Variants in TPGS2 observed in about 807,000 individuals in gnomAD.
TPGS2 encodes polyglutamylase subunit 2.
In TPGS2, 26 loss-of-function variants were observed where a neutral mutation model predicts 31.1. The observed-to-expected ratio is 0.84, with a 90% CI of 0.61 to 1.16. The LOEUF is 1.16. TPGS2 is among the 50% of genes most tolerant of loss of function. The pLI is 0.00. For synonymous variants in TPGS2, 130 were observed against 136.6 expected, an observed-to-expected ratio of 0.95 and a Z score of 0.34; for missense variants, 351 against 363.8, an observed-to-expected ratio of 0.96 and a Z score of 0.29.
intron 2 of TPGS2, among the ~76,000 whole-genome samples, chr18:36,809,474 A>G (rs2045318491): frequency 6.6e-6 from 1 of 152,120 alleles, no homozygotes; most frequent in Admixed American, 6.5e-5. Flanking sequence ...TTCTGTGTCC[A>G]TTATTTAGTA....
At chr18:36,812,120 C>T (rs2045457356) in intron 2 of TPGS2, among the ~76,000 whole-genome samples, 1 of 152,188 alleles carries the variant, frequency 6.6e-6, no homozygotes, top group Admixed American at 6.5e-5. Flanking sequence ...GAAATGATAG[C>T]TCAGACTGTA....
intron 1 of TPGS2, among the ~76,000 whole-genome samples, chr18:36,819,355 A>G (rs530266665): frequency 3.1e-4 from 47 of 152,364 alleles, no homozygotes; most frequent in Admixed American, 2.7e-3. Context: ...ATTAACTTTT[A>G]TAAGACATAA....
At chr18:36,822,492 T>C (rs950994928) in intron 1 of TPGS2, among the ~76,000 whole-genome samples, 1 of 148,464 alleles carries the variant, frequency 6.7e-6, no homozygotes, top group African/African-American at 2.6e-5. Context: ...CATCTTTTTA[T>C]ATTTAACATT....
intron 1 of TPGS2, among the ~76,000 whole-genome samples, chr18:36,825,814 C>T (rs2046110774): frequency 6.6e-6 from 1 of 152,150 alleles, no homozygotes; most frequent in African/African-American, 2.4e-5. Context: ...AAATTAGCTT[C>T]CTGATTTCTA....
At chr18:36,803,527 A>G (rs1391980912) in intron 4 of TPGS2, among the ~76,000 whole-genome samples, 2 of 151,856 alleles carry the variant, frequency 1.3e-5, no homozygotes, top group African/African-American at 4.8e-5. Context: ...ATCTGCAGAG[A>G]GGTGTCTTTT....
At chr18:36,785,597 G>T (rs971575289) in intron 6 of TPGS2, among the ~76,000 whole-genome samples, 2 of 152,166 alleles carry the variant, frequency 1.3e-5, no homozygotes, top group Non-Finnish European at 2.9e-5. Context: ...TTGTCTTTAA[G>T]AATAATTTTT....
At chr18:36,782,425 A>G (rs933203492), downstream of TPGS2, among the ~76,000 whole-genome samples, 1 of 152,194 alleles carries the variant, frequency 6.6e-6, no homozygotes, top group South Asian at 2.1e-4. Flanking sequence ...ATGCTTTAAG[A>G]ACTACTGATA....
chr18:36,807,556 G>A, intron 3 of TPGS2: 1 of 402,446 alleles, frequency 2.5e-6, no homozygotes, highest in Non-Finnish European at 4.4e-6. Flanking sequence ...GTTTGAGGTG[G>A]CTAGGGTTTT....
intron 3 of TPGS2, 127 bp downstream of exon 3, chr18:36,807,720 C>T: frequency 1.3e-6 from 1 of 744,970 alleles, no homozygotes; most frequent in Non-Finnish European, 2.2e-6. Flanking sequence ...AGCTTCTGGA[C>T]ATGGCACTTG....
chr18:36,800,057 T>C lies in TPGS2; in HGVS notation c.496+141A>G, dbSNP rs1433171555. On this transcript the variant is annotated intron_variant, in intron 5 of 6. Transcript: ENST00000334295. ...TGATGCTCAGAGAGAACCAAAGGGG[T>C]TTTTGGGTTTGGGACACACAAGGAA... The C allele has an allele frequency of 1.8e-4, 123 of 665,616 alleles. No individual in the cohort carries two copies. The East Asian group carries it at 3.1e-3, about 17-fold the overall frequency. 41.2% of individuals were successfully genotyped at this position (665,616 alleles called of 1,614,324 possible).
rs2045074546 is a variant in TPGS2 at position 36,805,482 on chromosome 18, T to C, written c.274A>G (p.Ser92Gly). ...TTTGAGATGCTGTTAATTGCCATGC[T>C]TCCCAGTGGAATGATGTGCTCTAGG... ...KLDEHIIPLG[S>G]MAINSISKLT... Residue 92 changes from serine to glycine, a missense_variant, in exon 4 of 7, where the codon AGC becomes GGC. Coordinates refer to ENST00000334295, the MANE Select transcript of TPGS2 (RefSeq NM_015476.4). The C allele has an allele frequency of 6.2e-7, 1 of 1,614,098 alleles. No individual in the cohort carries two copies. Among genetic ancestry groups the C allele is most frequent in the South Asian group, 1.1e-5 (1 of 91,082 alleles).
At chr18:36,785,383 T>A (rs1355164412) in intron 6 of TPGS2, among the ~76,000 whole-genome samples, 1 of 152,216 alleles carries the variant, frequency 6.6e-6, no homozygotes. Flanking sequence ...TAACTGGTCA[T>A]CCATCCCACA....
chr18:36,818,694 G>C, intron 2 of TPGS2, 200 bp downstream of exon 2: 1 of 497,736 alleles, frequency 2.0e-6, no homozygotes, highest in East Asian at 3.0e-5. Flanking sequence ...GGGCTCAGGG[G>C]AAACACTCCA....
intron 6 of TPGS2, chr18:36,783,152 C>T (rs758427326): frequency 3.8e-5 from 15 of 398,060 alleles, no homozygotes; most frequent in African/African-American, 1.9e-4. Flanking sequence ...AATCAATTTG[C>T]GTTGTTAAAC....
At chr18:36,783,167 T>C in intron 6 of TPGS2, 1 of 398,124 alleles carries the variant, frequency 2.5e-6, no homozygotes, top group East Asian at 3.6e-5. Context: ...TTAAACTTAG[T>C]GGTTCATTAG....
At chr18:36,812,131 G>A (rs544583164) in intron 2 of TPGS2, among the ~76,000 whole-genome samples, 2 of 152,292 alleles carry the variant, frequency 1.3e-5, no homozygotes, top group South Asian at 4.1e-4. Context: ...TCAGACTGTA[G>A]CAGTTATTTT....
intron 3 of TPGS2, chr18:36,806,070 C>G (rs56209075): frequency 0.12 from 18,445 of 152,100 alleles, 1,379 homozygotes; most frequent in Admixed American, 0.17. Flanking sequence ...CTAGGAAGCT[C>G]CATGTTTTCT....
At chr18:36,781,110 G>A (rs545540920), downstream of TPGS2, among the ~76,000 whole-genome samples, 3 of 152,204 alleles carry the variant, frequency 2.0e-5, no homozygotes, top group South Asian at 4.2e-4. Flanking sequence ...CTTTTCAAGC[G>A]CAGGTCATCA....
intron 1 of TPGS2, among the ~76,000 whole-genome samples, chr18:36,822,792 TCTCA>T (rs1266302666): frequency 6.6e-6 from 1 of 152,072 alleles, no homozygotes; most frequent in Non-Finnish European, 1.5e-5. Flanking sequence ...GAGACAGGGG[TCTCA>T]CTATGTTGCC....
Sources: gnomAD v4.1 joint callset for allele counts (sites outside exome capture counted in the v4.1 genomes callset) on GRCh38, gnomAD v4.1.1 for gene constraint, MANE v1.5 for transcripts, NCBI Gene and HGNC (gene_info 2026-07-23, HGNC 2026-07-21) for gene names.